The following EXOC4 variants were observed in gnomAD, a reference collection of about 807,000 sequenced individuals.
EXOC4 encodes exocyst complex component 4, also known as SEC8-like 1.
Under a neutral mutation model 107.2 loss-of-function variants are expected in EXOC4, and 71 were observed. The ratio of observed to expected loss-of-function variants is 0.66; its 90% CI spans 0.55 to 0.81. The LOEUF is 0.81. EXOC4 is among the 30% of genes least tolerant of loss of function. The pLI, the probability that EXOC4 is intolerant of heterozygous loss-of-function variation, is 0.00. For missense variants in EXOC4, 1,108 were observed against 1,189.6 expected, an observed-to-expected ratio of 0.93 and a Z score of 1.01; for synonymous variants, 456 against 441.2, an observed-to-expected ratio of 1.03 and a Z score of -0.42.
intron 14 of EXOC4, among the ~76,000 whole-genome samples, chr7:133,954,101 T>G (rs1800757655): frequency 6.6e-6 from 1 of 152,218 alleles, no homozygotes; most frequent in Non-Finnish European, 1.5e-5. Flanking sequence ...TTTACTAAAC[T>G]TACCTTCCCC....
chr7:133,551,126 G>A (rs1390452488), intron 9 of EXOC4, among the ~76,000 whole-genome samples: 6 of 151,864 alleles, frequency 4.0e-5, no homozygotes, highest in African/African-American at 1.5e-4. Flanking sequence ...GATCTCCATT[G>A]GTTCTCCTCC....
intron 10 of EXOC4, among the ~76,000 whole-genome samples, chr7:133,805,676 A>G (rs967982866): frequency 6.6e-6 from 1 of 152,110 alleles, no homozygotes; most frequent in Non-Finnish European, 1.5e-5. Flanking sequence ...CAGGAAGGAG[A>G]TAGGGGGACA....
At chr7:133,609,644 C>G (rs1255006383) in intron 9 of EXOC4, among the ~76,000 whole-genome samples, 2 of 152,148 alleles carry the variant, frequency 1.3e-5, no homozygotes, top group African/African-American at 4.8e-5. Context: ...ATTTAAACAT[C>G]ATTGCCTTAC....
At chr7:134,084,727 A>AAAG in the EXOC4 span, among the ~76,000 whole-genome samples, 1 of 145,114 alleles carries the variant, frequency 6.9e-6, no homozygotes, top group African/African-American at 2.7e-5. Flanking sequence ...AAAAAAAAAA[A>AAAG]AAATTCACCA....
chr7:133,822,686 G>A (rs1797551834), intron 11 of EXOC4, among the ~76,000 whole-genome samples: 1 of 152,114 alleles, frequency 6.6e-6, no homozygotes, highest in Non-Finnish European at 1.5e-5. Context: ...GTGTGGCCTG[G>A]GAGCTTATGA....
chr7:133,778,670 GA>G (rs1310928465), intron 10 of EXOC4, among the ~76,000 whole-genome samples: 2 of 152,244 alleles, frequency 1.3e-5, no homozygotes, highest in African/African-American at 2.4e-5. Flanking sequence ...TACTCATTCA[GA>G]AAGTTAGCAT....
intron 9 of EXOC4, among the ~76,000 whole-genome samples, chr7:133,589,591 A>G (rs946245050): frequency 6.6e-6 from 1 of 152,222 alleles, no homozygotes; most frequent in Non-Finnish European, 1.5e-5. Flanking sequence ...CAGTTTTGCC[A>G]TGCAGAGTAG....
the EXOC4 span, among the ~76,000 whole-genome samples, chr7:134,088,748 G>C: frequency 6.6e-6 from 1 of 152,122 alleles, no homozygotes; most frequent in Non-Finnish European, 1.5e-5. Flanking sequence ...GTTTTTGCAT[G>C]ACAAAAGGTT....
chr7:133,433,074 A>G (rs1797891326), intron 7 of EXOC4, among the ~76,000 whole-genome samples: 1 of 152,220 alleles, frequency 6.6e-6, no homozygotes, highest in Non-Finnish European at 1.5e-5. Context: ...TGGTAGTAGT[A>G]TCAATGGCAG....
chr7:133,450,957 GAGGGCC>G (rs1417504705), intron 7 of EXOC4, among the ~76,000 whole-genome samples: 3 of 152,186 alleles, frequency 2.0e-5, no homozygotes, highest in Non-Finnish European at 2.9e-5. Context: ...GTGAGTTCGG[GAGGGCC>G]AGCTGCCTCT....
At chr7:134,039,166 A>G (rs1477957973) in intron 17 of EXOC4, among the ~76,000 whole-genome samples, 1 of 152,206 alleles carries the variant, frequency 6.6e-6, no homozygotes. Context: ...CAATAGATAT[A>G]GATAATAGAT....
At chr7:133,480,383 C>A in intron 9 of EXOC4, 1 of 1,308,046 alleles carries the variant, frequency 7.6e-7, no homozygotes, top group Non-Finnish European at 9.8e-7. Context: ...GAGATGAGGC[C>A]AGGCTCGTCT....
intron 5 of EXOC4, among the ~76,000 whole-genome samples, chr7:133,328,752 A>G (rs1237853010): frequency 3.3e-5 from 5 of 152,124 alleles, no homozygotes; most frequent in African/African-American, 1.2e-4. Flanking sequence ...ATTGGCCCTC[A>G]CTGTCTTCTT....
intron 17 of EXOC4, among the ~76,000 whole-genome samples, chr7:134,018,533 CTG>C (rs1365682467): frequency 6.6e-6 from 1 of 152,176 alleles, no homozygotes; most frequent in African/African-American, 2.4e-5. Context: ...ACAGTGAATT[CTG>C]TGGCCAGCAC....
intron 9 of EXOC4, among the ~76,000 whole-genome samples, chr7:133,597,331 A>G (rs1218128955): frequency 6.6e-6 from 1 of 152,026 alleles, no homozygotes; most frequent in African/African-American, 2.4e-5. Context: ...AGGCGGGTGG[A>G]TCACCTAAGA....
Position 133,450,101 on chromosome 7 carries a change from A to C in EXOC4, c.1183-25227A>C, listed in dbSNP as rs143385465. ...TAAAGATTTCTTTTACTGTTGCAAG[A>C]AGCTATGTGTTCTTGTGTGCTACTG... On this transcript the variant is annotated intron_variant, in intron 7 of 17. Transcript: ENST00000253861. Among the ~76,000 whole-genome samples the C allele has an allele frequency of 9.8e-4, 149 of 152,232 alleles. 1 individual carries two copies. The highest frequency in any genetic ancestry group is 1.4e-3 in the Non-Finnish European group (95 of 68,018).
rs2116413759 is a variant in EXOC4, at chr7:133,874,987, T to G, written c.1735-20612T>G. Among the ~76,000 whole-genome samples the G allele has an allele frequency of 2.6e-5, 4 of 152,324 alleles. No homozygotes were observed. The Middle Eastern group carries it at 0.014, about 518-fold the overall frequency. ...ATCACATAAAATGTCTAAATAACAT[T>G]GCTACATCAAGAGGAGCTTCTGTAA... On this transcript the variant is annotated intron_variant, in intron 11 of 17. Transcript: ENST00000253861.
intron 7 of EXOC4, among the ~76,000 whole-genome samples, chr7:133,432,618 T>C (rs1365276943): frequency 6.6e-6 from 1 of 152,222 alleles, no homozygotes; most frequent in African/African-American, 2.4e-5. Flanking sequence ...ATGTATGTAA[T>C]AGCCAGAGCC....
intron 14 of EXOC4, among the ~76,000 whole-genome samples, chr7:133,973,957 A>G (rs186177862): frequency 3.9e-5 from 6 of 152,300 alleles, no homozygotes; most frequent in Admixed American, 6.5e-5. Flanking sequence ...AGGCAAGAGA[A>G]AAAGGGACGG....
Sources: allele counts gnomAD v4.1 joint callset (sites outside exome capture counted in the v4.1 genomes callset), GRCh38; gene constraint gnomAD v4.1.1; transcripts MANE v1.5; gene names NCBI Gene and HGNC (gene_info 2026-07-23, HGNC 2026-07-21).